CTIF: variants seen among roughly 807,000 people sequenced by gnomAD.
CTIF encodes the protein CBP80/20-dependent translation initiation factor.
In CTIF, 21 loss-of-function variants were observed where a neutral mutation model predicts 66.0. The ratio of observed to expected loss-of-function variants is 0.32; its 90% CI spans 0.23 to 0.46. CTIF has a LOEUF of 0.46. Ranked by LOEUF, CTIF falls within the 20% of genes least tolerant of loss-of-function variation. CTIF has a pLI of 1.00. For synonymous variants in CTIF, 345 were observed against 326.4 expected, an observed-to-expected ratio of 1.06 and a Z score of -0.62; for missense variants, 739 against 812.7, an observed-to-expected ratio of 0.91 and a Z score of 1.10.
chr18:48,771,452 C>G (rs1049341069), intron 9 of CTIF, among the ~76,000 whole-genome samples: 2 of 152,172 alleles, frequency 1.3e-5, no homozygotes, highest in African/African-American at 4.8e-5. Context: ...GGGGTTTTCT[C>G]CCTCTCGCTT....
chr18:48,553,859 C>T (rs890960336), intron 1 of CTIF, among the ~76,000 whole-genome samples: 1 of 151,462 alleles, frequency 6.6e-6, no homozygotes, highest in Admixed American at 6.6e-5. Flanking sequence ...GACAGGGTTT[C>T]CCTGTGTTAG....
At chr18:48,581,085 C>A (rs953565604) in intron 1 of CTIF, among the ~76,000 whole-genome samples, 2 of 152,264 alleles carry the variant, frequency 1.3e-5, no homozygotes, top group Non-Finnish European at 2.9e-5. Flanking sequence ...CCTTCAGCGT[C>A]ATTCCAGCAT....
At chr18:48,724,669 C>T (rs986018744) in intron 7 of CTIF, among the ~76,000 whole-genome samples, 5 of 152,236 alleles carry the variant, frequency 3.3e-5, no homozygotes, top group Non-Finnish European at 7.3e-5. Context: ...GAGAGCTTTC[C>T]CTGCTGTGTG....
intron 6 of CTIF, among the ~76,000 whole-genome samples, chr18:48,679,186 C>T (rs1407951508): frequency 6.6e-6 from 1 of 152,218 alleles, no homozygotes; most frequent in East Asian, 1.9e-4. Flanking sequence ...GCTTTGCACA[C>T]AGAACATTGT....
chr18:48,730,756 GAGGGGCCCCCA>G (rs1390205296), intron 7 of CTIF, among the ~76,000 whole-genome samples: 140 of 144,602 alleles, frequency 9.7e-4, no homozygotes, highest in South Asian at 2.3e-3. Flanking sequence ...CCCGCAGCTT[GAGGGGCCCCCA>G]CGATGAACGC....
intron 6 of CTIF, among the ~76,000 whole-genome samples, chr18:48,687,839 C>T (rs1056496105): frequency 2.0e-5 from 3 of 152,212 alleles, no homozygotes; most frequent in Non-Finnish European, 4.4e-5. Flanking sequence ...GCCTGAGTCC[C>T]GCTGTCCTTT....
chr18:48,634,817 G>C (rs1255494542), intron 2 of CTIF, among the ~76,000 whole-genome samples: 3 of 152,184 alleles, frequency 2.0e-5, no homozygotes, highest in African/African-American at 7.2e-5. Flanking sequence ...GTAGCCACAG[G>C]CCACGCATGG....
At chr18:48,838,853 C>T (rs2068871881) in intron 10 of CTIF, among the ~76,000 whole-genome samples, 1 of 152,170 alleles carries the variant, frequency 6.6e-6, no homozygotes, top group African/African-American at 2.4e-5. Flanking sequence ...CAGCAGCCCC[C>T]AAACTCTAGA....
chr18:48,838,706 A>T (rs1265614506), intron 10 of CTIF, among the ~76,000 whole-genome samples: 5 of 152,130 alleles, frequency 3.3e-5, no homozygotes, highest in African/African-American at 1.2e-4. Context: ...GCCTTCTCCA[A>T]CACTTCATTT....
At chr18:48,669,842 A>T (rs1238300334) in intron 5 of CTIF, among the ~76,000 whole-genome samples, 25 of 69,824 alleles carry the variant, frequency 3.6e-4, no homozygotes, top group East Asian at 2.8e-3. Flanking sequence ...TATATATATA[A>T]GCTAGACTAT....
chr18:48,605,784 T>C (rs1164449071), intron 1 of CTIF, among the ~76,000 whole-genome samples: 1 of 151,754 alleles, frequency 6.6e-6, no homozygotes, highest in Admixed American at 6.5e-5. Flanking sequence ...CAGTCCTCCC[T>C]TCCGGCTTCT....
At chr18:48,678,474 G>A (rs299736) in intron 6 of CTIF, among the ~76,000 whole-genome samples, 91,710 of 151,726 alleles carry the variant, frequency 0.6, 28,004 homozygotes, top group East Asian at 0.77. Context: ...AATAAATGGG[G>A]CCAGAAGTTC....
intron 9 of CTIF, among the ~76,000 whole-genome samples, chr18:48,764,940 G>GC: frequency 6.6e-6 from 1 of 152,292 alleles, no homozygotes; most frequent in Admixed American, 6.5e-5. Context: ...TCCCACAATG[G>GC]CCCCCTGACT....
intron 7 of CTIF, among the ~76,000 whole-genome samples, chr18:48,728,207 A>G (rs2092402002): frequency 6.6e-6 from 1 of 152,156 alleles, no homozygotes; most frequent in African/African-American, 2.4e-5. Flanking sequence ...TAAAGCCCCC[A>G]TCACCAGTCT....
chr18:48,655,039 G>T (rs2091222265), intron 3 of CTIF, among the ~76,000 whole-genome samples: 1 of 151,934 alleles, frequency 6.6e-6, no homozygotes, highest in African/African-American at 2.4e-5. Flanking sequence ...GAGTTAATGG[G>T]TGCAGCAAAC....
chr18:48,854,812 A>C (rs1409325008), intron 10 of CTIF, among the ~76,000 whole-genome samples: 1 of 152,204 alleles, frequency 6.6e-6, no homozygotes, highest in Non-Finnish European at 1.5e-5. Context: ...GGTCCCATCT[A>C]CGCAGGAGGC....
chr18:48,635,630 C>T (rs1376739766), intron 2 of CTIF, among the ~76,000 whole-genome samples: 2 of 152,114 alleles, frequency 1.3e-5, no homozygotes, highest in Non-Finnish European at 2.9e-5. Context: ...CTCCTCTGCT[C>T]TTTATGTATC....
In CTIF at chr18:48,592,900, T is replaced by C. The variant is rs551447866; in HGVS notation, c.-28-26638T>C. 2.6e-5 allele frequency among the ~76,000 whole-genome samples: 4 copies of C among 152,346 alleles called. No homozygotes were observed. The East Asian group carries it at 7.7e-4, about 29-fold the overall frequency. ...CTGCAAAACATCTGGGGGCTTCCTC[T>C]TGTTCCGGAGAGGCAGGCTGCCGCG... On this transcript the variant is annotated intron_variant, in intron 1 of 11. Transcript: ENST00000256413.
At chr18:48,710,469 T>A (rs928257050) in intron 6 of CTIF, among the ~76,000 whole-genome samples, 9 of 152,096 alleles carry the variant, frequency 5.9e-5, no homozygotes, top group Non-Finnish European at 8.8e-5. Context: ...TACCCCCTAC[T>A]CCACCCCAGG....
Sources: allele counts gnomAD v4.1 joint callset (sites outside exome capture counted in the v4.1 genomes callset), GRCh38; gene constraint gnomAD v4.1.1; transcripts MANE v1.5; gene names NCBI Gene and HGNC (gene_info 2026-07-23, HGNC 2026-07-21).